The following FHIP2A variants were observed in gnomAD, a reference collection of about 807,000 sequenced individuals.
FHIP2A encodes the protein family with sequence similarity 160 member B1.
In FHIP2A, 46 loss-of-function variants were observed where a neutral mutation model predicts 93.5. The ratio of observed to expected loss-of-function variants is 0.49; its 90% CI spans 0.39 to 0.63. The LOEUF is 0.63. Among genes scored for constraint, FHIP2A ranks in the 20% least tolerant of loss-of-function variants. FHIP2A has a pLI of 0.00. For missense variants in FHIP2A, 769 were observed against 909.7 expected (o/e 0.85, Z 1.99); for synonymous variants, 332 against 326.5 (o/e 1.02, Z -0.18).
At chr10:114,859,081 G>A (rs1592025268) in intron 14 of FHIP2A, among the ~76,000 whole-genome samples, 1 of 151,782 alleles carries the variant, frequency 6.6e-6, no homozygotes, top group Non-Finnish European at 1.5e-5. Context: ...ATCCTTTACT[G>A]GGAATACATA....
rs908905017 is a variant in FHIP2A at position 114,861,281 on chromosome 10, C to G, written c.2139C>G (p.Pro713=). The G allele has an allele frequency of 9.3e-6, 15 of 1,614,060 alleles. No homozygotes were observed. In the African/African-American group the frequency reaches 1.9e-4, roughly 20 times the overall value. Residue 713 remains proline (P), a synonymous_variant, in exon 16 of 17, where the codon CCC becomes CCG. Transcript: ENST00000369248. ...LRIQRIQDFT[P]KLLLVRKRLL... ...TCCAGCGTATTCAAGACTTTACTCC[C>G]AAGCTTCTGTTAGTCAGAAAGCGGT... is the stretch of plus-strand genomic sequence containing the variant.
At chr10:114,827,775 T>C (rs564061508) in intron 1 of FHIP2A, among the ~76,000 whole-genome samples, 11 of 126,726 alleles carry the variant, frequency 8.7e-5, no homozygotes, top group South Asian at 2.4e-4. Flanking sequence ...CCAGCCTGGG[T>C]GACAGAGCGA....
chr10:114,851,760 T>C (rs1157739602), intron 13 of FHIP2A, among the ~76,000 whole-genome samples: 3 of 147,682 alleles, frequency 2.0e-5, no homozygotes, highest in Non-Finnish European at 4.5e-5. Flanking sequence ...TTGTAAGGCT[T>C]ACATTGAATT....
intron 16 of FHIP2A, among the ~76,000 whole-genome samples, chr10:114,876,512 C>T (rs1307445449): frequency 6.6e-6 from 1 of 152,160 alleles, no homozygotes; most frequent in African/African-American, 2.4e-5. Context: ...AAGGACTGAA[C>T]GAGGGCACAG....
intron 16 of FHIP2A, among the ~76,000 whole-genome samples, chr10:114,888,335 C>A (rs982329783): frequency 6.6e-6 from 1 of 152,140 alleles, no homozygotes; most frequent in African/African-American, 2.4e-5. Flanking sequence ...GATCCCTAAT[C>A]TAGACTTGGA....
At chr10:114,894,972 C>T (rs2083993809) in intron 16 of FHIP2A, among the ~76,000 whole-genome samples, 1 of 152,172 alleles carries the variant, frequency 6.6e-6, no homozygotes, top group Non-Finnish European at 1.5e-5. Context: ...ACTGAGAATG[C>T]AGAAGGATAC....
intron 2 of FHIP2A, among the ~76,000 whole-genome samples, 156 bp downstream of exon 2, chr10:114,831,086 A>G (rs2083605056): frequency 6.6e-6 from 1 of 152,234 alleles, no homozygotes; most frequent in Non-Finnish European, 1.5e-5. Flanking sequence ...CACTCATTTA[A>G]AAATATACCT....
At chr10:114,873,946 A>AG (rs1222063819) in intron 16 of FHIP2A, among the ~76,000 whole-genome samples, 3 of 115,664 alleles carry the variant, frequency 2.6e-5, no homozygotes, top group Non-Finnish European at 5.9e-5. Flanking sequence ...AATATTCAGG[A>AG]GGGGGAAAAA....
chr10:114,844,633 TTC>T (rs2083689340), intron 7 of FHIP2A, among the ~76,000 whole-genome samples: 1 of 152,208 alleles, frequency 6.6e-6, no homozygotes, highest in South Asian at 2.1e-4. Context: ...CACTCGCTAT[TTC>T]TGTTTGTAGA....
chr10:114,829,544 G>T (rs1004185367), intron 1 of FHIP2A, among the ~76,000 whole-genome samples: 1 of 152,242 alleles, frequency 6.6e-6, no homozygotes, highest in Non-Finnish European at 1.5e-5. Context: ...CTTGGTTTTG[G>T]TGAGTTTTGG....
downstream of FHIP2A, among the ~76,000 whole-genome samples, chr10:114,866,134 G>A (rs1418018440): frequency 7.8e-6 from 1 of 128,584 alleles, no homozygotes; most frequent in Non-Finnish European, 1.6e-5. Context: ...TCCCCACCCC[G>A]CCCCCAGCAC....
At position 114,878,600 on chromosome 10, in the gene FHIP2A, G is replaced by A. The variant is rs553528342; in HGVS notation, c.2192+17266G>A. Among the ~76,000 whole-genome samples, 10 of 152,120 alleles carry A rather than the reference G, an allele frequency of 6.6e-5. No individual in the cohort carries two copies. In the East Asian group the frequency reaches 1.2e-3, roughly 18 times the overall value. On this transcript the variant is annotated intron_variant, in intron 16 of 16. Transcript: ENST00000369250. ...TCAAGACCAGCCTGGCCAACATGGCGAAACCCCGTCTCTACTAAAAATACA... is the reference window on the plus strand; with the variant it reads ...TCAAGACCAGCCTGGCCAACATGGCAAAACCCCGTCTCTACTAAAAATACA...
At chr10:114,849,121 C>G (rs185043950) in intron 13 of FHIP2A, among the ~76,000 whole-genome samples, 26 of 118,062 alleles carry the variant, frequency 2.2e-4, no homozygotes, top group African/African-American at 8.3e-4. Context: ...GAGCAAGACT[C>G]CATCTCAAAA....
chr10:114,886,367 A>AT (rs113405253), intron 16 of FHIP2A, among the ~76,000 whole-genome samples: 2,319 of 150,980 alleles, frequency 0.015, 36 homozygotes, highest in African/African-American at 0.05. Context: ...TTATTTGGCT[A>AT]TTTTTTTTAA....
intron 16 of FHIP2A, among the ~76,000 whole-genome samples, chr10:114,873,841 C>A (rs2083870764): frequency 1.3e-5 from 2 of 152,034 alleles, no homozygotes; most frequent in Non-Finnish European, 2.9e-5. Context: ...TTACAAAATA[C>A]TCCCAGCTCA....
At chr10:114,885,001 C>T (rs1387196385) in intron 16 of FHIP2A, among the ~76,000 whole-genome samples, 1 of 151,850 alleles carries the variant, frequency 6.6e-6, no homozygotes, top group Non-Finnish European at 1.5e-5. Flanking sequence ...CTGCCATTAT[C>T]ATCATTTTGA....
chr10:114,823,371 CT>C (rs1251780661), intron 1 of FHIP2A, among the ~76,000 whole-genome samples: 2 of 152,128 alleles, frequency 1.3e-5, no homozygotes, highest in East Asian at 3.8e-4. Flanking sequence ...TTCAAGACAA[CT>C]TTTAGTTTTT....
exon 17 of FHIP2A, chr10:114,899,539 C>A (rs1321068893): frequency 1.4e-6 from 1 of 718,026 alleles, no homozygotes; most frequent in African/African-American, 1.7e-5. Flanking sequence ...TCTCTTATGT[C>A]CTCAAAGCTT....
chr10:114,891,572 T>TGTGTGTGTGTGTGTGC (rs764864142), intron 16 of FHIP2A, among the ~76,000 whole-genome samples: 1 of 143,824 alleles, frequency 7.0e-6, no homozygotes, highest in African/African-American at 2.6e-5. Flanking sequence ...TGTGTGTGTG[T>TGTGTGTGTGTGTGTGC]GCACGCGTAT....
Sources: gnomAD v4.1 joint callset for allele counts (sites outside exome capture counted in the v4.1 genomes callset) on GRCh38, gnomAD v4.1.1 for gene constraint, MANE v1.5 for transcripts, NCBI Gene and HGNC (gene_info 2026-07-23, HGNC 2026-07-21) for gene names.